Variants in PALM2AKAP2 observed in about 807,000 individuals in gnomAD.
PALM2AKAP2 encodes PALM2-AKAP2 fusion protein.
PALM2AKAP2 carries 37 observed loss-of-function variants against 71.5 expected under a neutral mutation model. The observed-to-expected ratio is 0.52, with a 90% CI of 0.40 to 0.68. PALM2AKAP2 has a LOEUF of 0.68. Among genes scored for constraint, PALM2AKAP2 ranks in the 30% least tolerant of loss-of-function variants. The pLI, the probability that PALM2AKAP2 is intolerant of heterozygous loss-of-function variation, is 0.00. For synonymous variants in PALM2AKAP2, 468 were observed against 478.8 expected (o/e 0.98, Z 0.29); for missense variants, 1,224 against 1,191.8 (o/e 1.03, Z -0.40).
chr9:110,046,092 A>G (rs1459849751), upstream of PALM2AKAP2, among the ~76,000 whole-genome samples: 1 of 152,188 alleles, frequency 6.6e-6, no homozygotes, highest in Non-Finnish European at 1.5e-5. Flanking sequence ...AATCACCCTC[A>G]ATTGGGAACC....
chr9:109,898,199 G>A (rs1465642963), intron 3 of PALM2AKAP2, among the ~76,000 whole-genome samples: 1 of 152,158 alleles, frequency 6.6e-6, no homozygotes, highest in Admixed American at 6.5e-5. Context: ...AGTAGCAGTG[G>A]TACCCTATTC....
In PALM2AKAP2 at chr9:109,821,569, G is replaced by T. The variant is rs536925639; in HGVS notation, c.45+41036G>T. On this transcript the variant is annotated intron_variant, in intron 1 of 9. Coordinates refer to the PALM2AKAP2 transcript ENST00000302798. ...TCTGTGTTAGAGAATATTTGAAGTGGTGGGAATATAGTGGTGAGAAAGGCA... is the reference window on the plus strand; with the variant it reads ...TCTGTGTTAGAGAATATTTGAAGTGTTGGGAATATAGTGGTGAGAAAGGCA... 4.6e-5 allele frequency among the ~76,000 whole-genome samples: 7 copies of T among 152,274 alleles called. No homozygotes were observed. The South Asian group carries it at 1.5e-3, about 32-fold the overall frequency.
At chr9:109,672,872 A>G (rs544803264) in intron 1 of PALM2AKAP2, among the ~76,000 whole-genome samples, 8 of 148,448 alleles carry the variant, frequency 5.4e-5, no homozygotes, top group Non-Finnish European at 9.0e-5. Context: ...TTTCTTCTAC[A>G]TTTTCTAGTA....
At chr9:110,006,356 TTC>T (rs146129574) in intron 6 of PALM2AKAP2, among the ~76,000 whole-genome samples, 2,787 of 146,356 alleles carry the variant, frequency 0.019, 42 homozygotes, top group South Asian at 0.098. Context: ...CTTTCTTTCT[TTC>T]TTTCTTTCTT....
chr9:109,909,344 T>C (rs759466485), intron 3 of PALM2AKAP2, among the ~76,000 whole-genome samples: 1 of 152,264 alleles, frequency 6.6e-6, no homozygotes, highest in Non-Finnish European at 1.5e-5. Flanking sequence ...TAATTTGAAT[T>C]TGTTCTTTTA....
chr9:110,038,737 G>A (rs982557872), intron 7 of PALM2AKAP2, among the ~76,000 whole-genome samples: 5 of 151,778 alleles, frequency 3.3e-5, no homozygotes, highest in African/African-American at 1.2e-4. Context: ...TCAGGAGTTC[G>A]AGACTGGCCT....
intron 6 of PALM2AKAP2, among the ~76,000 whole-genome samples, chr9:109,972,079 G>A (rs952478733): frequency 1.3e-5 from 2 of 152,188 alleles, no homozygotes; most frequent in African/African-American, 4.8e-5. Context: ...TTGCACATCT[G>A]TCCCTTTACT....
chr9:109,781,952 G>A (rs1826812682), intron 1 of PALM2AKAP2, among the ~76,000 whole-genome samples: 1 of 152,218 alleles, frequency 6.6e-6, no homozygotes, highest in African/African-American at 2.4e-5. Flanking sequence ...GTGCCATGTA[G>A]CTGGTGGGTG....
At chr9:110,071,163 C>A (rs867892425) in intron 1 of PALM2AKAP2, among the ~76,000 whole-genome samples, 76 of 101,808 alleles carry the variant, frequency 7.5e-4, no homozygotes, top group East Asian at 1.1e-3. Flanking sequence ...GACTCTGTTT[C>A]AAAAAAAAAA....
intron 6 of PALM2AKAP2, among the ~76,000 whole-genome samples, chr9:110,006,324 C>CTCTTTCTTTTTTCTT (rs1554736918): frequency 7.6e-4 from 78 of 102,214 alleles, no homozygotes; most frequent in African/African-American, 2.9e-3. Context: ...TTCCTTCCTT[C>CTCTTTCTTTTTTCTT]TCTTTCTTTC....
At chr9:109,846,731 A>T (rs1044201794) in intron 1 of PALM2AKAP2, among the ~76,000 whole-genome samples, 3 of 152,214 alleles carry the variant, frequency 2.0e-5, no homozygotes, top group Non-Finnish European at 4.4e-5. Context: ...CTCAGTGAGA[A>T]TCCACTTGCT....
At chr9:110,161,014 C>T (rs967989556) in intron 3 of PALM2AKAP2, among the ~76,000 whole-genome samples, 4 of 152,156 alleles carry the variant, frequency 2.6e-5, no homozygotes, top group South Asian at 2.1e-4. Flanking sequence ...GCCATACTCT[C>T]GCTCAGTGTG....
In PALM2AKAP2 at chr9:109,729,260, G is replaced by A. The variant is rs143912588; in HGVS notation, c.6-51228G>A. 3.2e-4 allele frequency among the ~76,000 whole-genome samples: 49 copies of A among 152,264 alleles called. 1 individual carries two copies. Among genetic ancestry groups the A allele is most frequent in the African/African-American group, 1.1e-3 (44 of 41,556 alleles). Reference sequence around the variant, plus strand: ...ACTCCCATGGCCACCTGAGCCTCCAGTAGTCCCCTCCAACTTGATGTGTCC... The same window carrying A: ...ACTCCCATGGCCACCTGAGCCTCCAATAGTCCCCTCCAACTTGATGTGTCC... On this transcript the variant is annotated intron_variant, in intron 1 of 6. Coordinates refer to the PALM2AKAP2 transcript ENST00000374531.
chr9:109,729,410 A>T (rs1209908574), intron 1 of PALM2AKAP2, among the ~76,000 whole-genome samples: 1 of 152,242 alleles, frequency 6.6e-6, no homozygotes, highest in Non-Finnish European at 1.5e-5. Flanking sequence ...AGCCAAAGGC[A>T]TCATGAGGAT....
intron 1 of PALM2AKAP2, among the ~76,000 whole-genome samples, chr9:109,681,478 C>T (rs1420560236): frequency 5.9e-5 from 9 of 152,138 alleles, no homozygotes; most frequent in Non-Finnish European, 4.4e-5. Context: ...AGCACAATGT[C>T]ACAGTGGGGT....
chr9:110,133,928 G>T (rs566376772), intron 1 of PALM2AKAP2, among the ~76,000 whole-genome samples: 1 of 152,348 alleles, frequency 6.6e-6, no homozygotes, highest in East Asian at 1.9e-4. Flanking sequence ...TTTGTGTAAT[G>T]CTTAATGATA....
intron 1 of PALM2AKAP2, among the ~76,000 whole-genome samples, chr9:110,121,394 G>A (rs759438458): frequency 4.6e-5 from 7 of 152,334 alleles, no homozygotes; most frequent in Admixed American, 6.5e-5. Context: ...GAGGAAGGGC[G>A]GTTGTGAGGC....
chr9:110,005,626 GGA>G (rs916324647), intron 6 of PALM2AKAP2, among the ~76,000 whole-genome samples: 9 of 152,330 alleles, frequency 5.9e-5, no homozygotes, highest in African/African-American at 2.2e-4. Context: ...CCCCAGAGGT[GGA>G]GTTTACAGAG....
intron 1 of PALM2AKAP2, among the ~76,000 whole-genome samples, chr9:109,691,833 G>GAT (rs1185965530): frequency 0.067 from 2,408 of 35,764 alleles, 138 homozygotes; most frequent in Non-Finnish European, 0.096. Context: ...CCAGAAAGAC[G>GAT]ATATATATAT....
Sources: gnomAD v4.1 joint callset for allele counts (sites outside exome capture counted in the v4.1 genomes callset) on GRCh38, gnomAD v4.1.1 for gene constraint, MANE v1.5 for transcripts, NCBI Gene and HGNC (gene_info 2026-07-23, HGNC 2026-07-21) for gene names.